Variants in DCAF8L2 observed in about 807,000 individuals in gnomAD.
The protein encoded by DCAF8L2 is DDB1 and CUL4 associated factor 8 like 2.
For synonymous variants in DCAF8L2, 200 were observed against 190.9 expected, an observed-to-expected ratio of 1.05 and a Z score of -0.39; for missense variants, 430 against 490.7, an observed-to-expected ratio of 0.88 and a Z score of 1.17.
At chrX:27,642,604 G>A (rs1383218965) in intron 2 of DCAF8L2, among the ~76,000 whole-genome samples, 1 of 110,961 alleles carries the variant, frequency 9.0e-6, no homozygotes, top group Non-Finnish European at 1.9e-5. Context: ...CCATCAAAAC[G>A]CCAGATACCT....
chrX:27,670,107 GT>G (rs77377493), intron 2 of DCAF8L2, among the ~76,000 whole-genome samples: 1,693 of 95,712 alleles, frequency 0.018, 21 homozygotes, highest in African/African-American at 0.056. Flanking sequence ...GTTTTATAGT[GT>G]TTTTTTTGTT....
chrX:27,539,616 A>G, the DCAF8L2 span, among the ~76,000 whole-genome samples: 2 of 112,120 alleles, frequency 1.8e-5, no homozygotes, highest in African/African-American at 6.5e-5. Flanking sequence ...TTTGAAGATT[A>G]AATCATCAAA....
chrX:27,722,369 C>G (rs779951329), intron 4 of DCAF8L2, among the ~76,000 whole-genome samples: 1 of 111,145 alleles, frequency 9.0e-6, no homozygotes, highest in Admixed American at 9.6e-5. Context: ...TTTAATAAAC[C>G]GAACCTATTG....
intron 4 of DCAF8L2, among the ~76,000 whole-genome samples, chrX:27,721,503 T>A (rs763765342): frequency 3.2e-4 from 36 of 111,628 alleles, no homozygotes; most frequent in Non-Finnish European, 6.8e-4. Flanking sequence ...ATTTTTTAGT[T>A]TAGGATTGAA....
rs779291063 is a variant in DCAF8L2 at position 27,660,642 on chromosome X, G to C, written c.-219-17194G>C. Among the ~76,000 whole-genome samples, 9 of 112,184 alleles carry C rather than the reference G, an allele frequency of 8.0e-5. No homozygotes were observed. In the East Asian group the frequency reaches 2.3e-3, roughly 28 times the overall value. ...CCTCAGGCCACTGGTTAGTGCACGTGGGCACTGGTGATGGAGGGATTGGGC... is the reference window on the plus strand; with the variant it reads ...CCTCAGGCCACTGGTTAGTGCACGTCGGCACTGGTGATGGAGGGATTGGGC... On this transcript the variant is annotated intron_variant, in intron 2 of 4. Coordinates refer to ENST00000451261, the MANE Select transcript of DCAF8L2 (RefSeq NM_001353450.2).
the DCAF8L2 span, chrX:27,519,147 A>T: frequency 1.7e-6 from 2 of 1,144,105 alleles, 1 homozygote; most frequent in South Asian, 3.7e-5. Flanking sequence ...AGAAAAGAGA[A>T]ATAGCAGAAA....
intron 3 of DCAF8L2, among the ~76,000 whole-genome samples, chrX:27,710,705 T>C (rs974110214): frequency 8.9e-6 from 1 of 112,842 alleles, no homozygotes; most frequent in Non-Finnish European, 1.9e-5. Flanking sequence ...TAGTTTTACT[T>C]CTTCCTTTAA....
At chrX:27,536,805 C>T in the DCAF8L2 span, among the ~76,000 whole-genome samples, 1 of 111,714 alleles carries the variant, frequency 9.0e-6, no homozygotes, top group African/African-American at 3.3e-5. Flanking sequence ...TCTCCTGGTG[C>T]ACAGGCGGGT....
At chrX:27,737,128 T>G (rs763291800) in intron 4 of DCAF8L2, among the ~76,000 whole-genome samples, 5 of 111,994 alleles carry the variant, frequency 4.5e-5, no homozygotes, top group Non-Finnish European at 7.5e-5. Flanking sequence ...TTTCTCAGCT[T>G]TAACTTCTAG....
chrX:27,600,236 A>C (rs1926579234), intron 1 of DCAF8L2, among the ~76,000 whole-genome samples: 1 of 112,223 alleles, frequency 8.9e-6, no homozygotes, highest in Admixed American at 9.5e-5. Context: ...TAAATACAGT[A>C]AAACAAAATA....
intron 1 of DCAF8L2, among the ~76,000 whole-genome samples, chrX:27,618,634 T>C (rs1927588788): frequency 1.8e-5 from 2 of 111,072 alleles, no homozygotes; most frequent in Non-Finnish European, 3.8e-5. Context: ...TCCAGGCAGA[T>C]GTAGCTCTGC....
chrX:27,604,527 T>C (rs933385089), intron 1 of DCAF8L2, among the ~76,000 whole-genome samples: 2 of 111,470 alleles, frequency 1.8e-5, no homozygotes, highest in African/African-American at 6.5e-5. Flanking sequence ...CTCTAGTGAC[T>C]AGTATGGAGG....
the DCAF8L2 span, among the ~76,000 whole-genome samples, chrX:27,505,961 T>G: frequency 8.9e-6 from 1 of 112,090 alleles, no homozygotes; most frequent in African/African-American, 3.2e-5. Context: ...TTTAAACCAC[T>G]GTGCTCTGGT....
chrX:27,700,528 C>T (rs1311028085), intron 3 of DCAF8L2, among the ~76,000 whole-genome samples: 1 of 110,886 alleles, frequency 9.0e-6, no homozygotes, highest in African/African-American at 3.3e-5. Context: ...TTGCATTCTC[C>T]TGTTAGAATT....
At chrX:27,637,829 C>T (rs1192263586) in intron 2 of DCAF8L2, among the ~76,000 whole-genome samples, 2 of 111,897 alleles carry the variant, frequency 1.8e-5, no homozygotes, top group African/African-American at 6.5e-5. Context: ...GTCGTTTCTC[C>T]AGGTAATATT....
chrX:27,700,350 A>T (rs1931083934), intron 3 of DCAF8L2, among the ~76,000 whole-genome samples: 1 of 101,718 alleles, frequency 9.8e-6, no homozygotes, highest in South Asian at 4.4e-4. Flanking sequence ...AGGAGTATTA[A>T]CACATCTGGA....
intron 2 of DCAF8L2, among the ~76,000 whole-genome samples, chrX:27,650,804 T>G (rs1929118946): frequency 1.8e-5 from 2 of 111,675 alleles, no homozygotes; most frequent in Admixed American, 9.6e-5. Context: ...CTTGACTGAT[T>G]GTTCTGTCAA....
At chrX:27,658,441 T>C (rs1429024206) in intron 2 of DCAF8L2, among the ~76,000 whole-genome samples, 1 of 112,278 alleles carries the variant, frequency 8.9e-6, no homozygotes, top group Non-Finnish European at 1.9e-5. Flanking sequence ...TCAAAATGAA[T>C]GTCTATTTGT....
chrX:27,731,379 C>T (rs892897844), intron 4 of DCAF8L2, among the ~76,000 whole-genome samples: 1 of 110,900 alleles, frequency 9.0e-6, no homozygotes, highest in African/African-American at 3.3e-5. Context: ...CCAACCTGGG[C>T]GACAGAGAAA....
Sources: allele counts gnomAD v4.1 joint callset (sites outside exome capture counted in the v4.1 genomes callset), GRCh38; gene constraint gnomAD v4.1.1; transcripts MANE v1.5; gene names NCBI Gene and HGNC (gene_info 2026-07-23, HGNC 2026-07-21).